SEMA5A: variants seen among roughly 807,000 people sequenced by gnomAD.
SEMA5A encodes semaphorin 5A.
A neutral mutation model predicts 135.5 loss-of-function variants in SEMA5A; 55 were observed. The ratio of observed to expected loss-of-function variants is 0.41; its 90% confidence interval spans 0.33 to 0.51. The LOEUF (loss-of-function observed/expected upper bound fraction) is 0.51, where lower values mean the gene tolerates loss of function less well. Ranked by LOEUF, SEMA5A falls within the 20% of genes least tolerant of loss-of-function variation. The probability of loss-of-function intolerance (pLI) is 0.37; values close to 1 mark genes in which losing one functional copy is unlikely to be tolerated. For missense variants in SEMA5A, 1,290 were observed against 1,419.9 expected (o/e 0.91, Z 1.47); for synonymous variants, 580 against 546.5 (o/e 1.06, Z -0.85).
intron 11 of SEMA5A, among the ~76,000 whole-genome samples, chr5:9,157,479 C>T (rs1806137): frequency 0.012 from 1,809 of 152,236 alleles, 39 homozygotes; most frequent in African/African-American, 0.042. Context: ...CACCATAATC[C>T]CAGGGCCGAT....
At chr5:9,386,745 GT>G (rs1755910170) in intron 2 of SEMA5A, among the ~76,000 whole-genome samples, 1 of 152,236 alleles carries the variant, frequency 6.6e-6, no homozygotes, top group Non-Finnish European at 1.5e-5. Context: ...TCTTGATTAA[GT>G]TTTGCTTCTC....
intron 13 of SEMA5A, among the ~76,000 whole-genome samples, chr5:9,133,045 G>T (rs777352960): frequency 1.7e-4 from 26 of 151,978 alleles, no homozygotes; most frequent in Non-Finnish European, 2.5e-4. Context: ...AGTGTTTTTT[G>T]TTGTTGTTGT....
At chr5:9,203,677 G>A (rs2150371496) in intron 8 of SEMA5A, among the ~76,000 whole-genome samples, 1 of 152,214 alleles carries the variant, frequency 6.6e-6, no homozygotes, top group African/African-American at 2.4e-5. Context: ...TACTCTAAAT[G>A]GTTTATGTAT....
chr5:9,197,208 G>T lies in SEMA5A; in HGVS notation c.1028C>A (p.Ser343Ter). Residue 343 changes from serine to a stop codon, truncating the protein, a stop_gained, in exon 10 of 23, where the codon TCG becomes TAG. Transcript: ENST00000382496. LOFTEE classifies it high-confidence loss of function. ...GPFKYQENSR[S>*]AWLPYPNPNP... ...TGGGTTGGGATACGGTAGCCAGGCCGAGCGCGAGTTTTCTTGGTACTTGAA... is the reference window on the plus strand; with the variant it reads ...TGGGTTGGGATACGGTAGCCAGGCCTAGCGCGAGTTTTCTTGGTACTTGAA... 6.2e-7 allele frequency: 1 copy of T among 1,614,224 alleles called. No homozygotes were observed.
At chr5:9,366,433 G>T (rs991342827) in intron 3 of SEMA5A, among the ~76,000 whole-genome samples, 1 of 151,322 alleles carries the variant, frequency 6.6e-6, no homozygotes, top group African/African-American at 2.4e-5. Flanking sequence ...CTGTCGCCCA[G>T]GCTGAAGTGC....
chr5:9,352,493 A>G lies in SEMA5A; in HGVS notation c.125-14681T>C, dbSNP rs1035944813. Among the ~76,000 whole-genome samples, 4 of 152,250 alleles carry G rather than the reference A, an allele frequency of 2.6e-5. No individual in the cohort carries two copies. The South Asian group carries it at 8.3e-4, about 32-fold the overall frequency. On this transcript the variant is annotated intron_variant, in intron 3 of 22. Coordinates refer to ENST00000382496, the MANE Select transcript of SEMA5A (RefSeq NM_003966.3). ...TTGAATTCCCAGGCTCAAGAGATCC[A>G]CTGGCCTCTGCCTCCCAAAGTGCTG...
chr5:9,091,205 G>C (rs563894276), intron 16 of SEMA5A, among the ~76,000 whole-genome samples: 2 of 152,328 alleles, frequency 1.3e-5, no homozygotes, highest in South Asian at 4.1e-4. Context: ...AGTCTACTTA[G>C]AAAAACTTAC....
chr5:9,337,614 C>T (rs1367284377), intron 4 of SEMA5A, 99 bp downstream of exon 4: 2 of 708,426 alleles, frequency 2.8e-6, no homozygotes, highest in South Asian at 1.8e-5. Context: ...TAATATTATT[C>T]AGCATTCTTC....
intron 5 of SEMA5A, among the ~76,000 whole-genome samples, chr5:9,285,010 T>A (rs1297851824): frequency 6.6e-6 from 1 of 152,032 alleles, no homozygotes; most frequent in East Asian, 1.9e-4. Flanking sequence ...AATTCTCACA[T>A]CCTCCTATTC....
chr5:9,482,823 C>A (rs948646355), intron 1 of SEMA5A, among the ~76,000 whole-genome samples: 2 of 152,134 alleles, frequency 1.3e-5, no homozygotes, highest in African/African-American at 2.4e-5. Flanking sequence ...TTTTGACAGG[C>A]GATTTGTGTG....
intron 2 of SEMA5A, among the ~76,000 whole-genome samples, chr5:9,391,259 C>G (rs1256130053): frequency 1.3e-5 from 2 of 152,178 alleles, no homozygotes; most frequent in Non-Finnish European, 2.9e-5. Context: ...GGATTTAATC[C>G]AGCAAATGAC....
chr5:9,175,063 G>C (rs967585665), intron 11 of SEMA5A, among the ~76,000 whole-genome samples: 6 of 152,140 alleles, frequency 3.9e-5, no homozygotes, highest in Non-Finnish European at 7.4e-5. Context: ...GAATGACTGT[G>C]GTGGGCCAGG....
At chr5:9,369,282 C>T (rs573804121) in intron 3 of SEMA5A, among the ~76,000 whole-genome samples, 40 of 152,012 alleles carry the variant, frequency 2.6e-4, no homozygotes, top group African/African-American at 8.4e-4. Context: ...GCAAATATTC[C>T]CACACAGTGT....
intron 5 of SEMA5A, among the ~76,000 whole-genome samples, chr5:9,287,506 TA>T (rs1200470954): frequency 6.6e-6 from 1 of 152,228 alleles, no homozygotes; most frequent in Non-Finnish European, 1.5e-5. Context: ...AAAAATATTT[TA>T]ATCTTATCCA....
intron 18 of SEMA5A, among the ~76,000 whole-genome samples, chr5:9,055,420 A>G (rs1736835796): frequency 6.6e-6 from 1 of 152,202 alleles, no homozygotes; most frequent in Admixed American, 6.5e-5. Context: ...ATATTTTAAC[A>G]TTCTTTGTAG....
chr5:9,159,297 A>T (rs1444820485), intron 11 of SEMA5A, among the ~76,000 whole-genome samples: 1 of 152,244 alleles, frequency 6.6e-6, no homozygotes, highest in Admixed American at 6.5e-5. Context: ...AACATTAATT[A>T]TAAGGCTATT....
chr5:9,146,438 T>G (rs1387330908), intron 12 of SEMA5A, among the ~76,000 whole-genome samples: 1 of 152,194 alleles, frequency 6.6e-6, no homozygotes, highest in Non-Finnish European at 1.5e-5. Flanking sequence ...GAACAATCGT[T>G]GAAAGGATGT....
chr5:9,140,376 G>C (rs1007051876), intron 12 of SEMA5A, among the ~76,000 whole-genome samples: 5 of 152,224 alleles, frequency 3.3e-5, no homozygotes, highest in African/African-American at 1.2e-4. Flanking sequence ...CTAAGACCAT[G>C]AAAAGTGTGC....
chr5:9,457,081 T>G (rs1758866041), intron 1 of SEMA5A, among the ~76,000 whole-genome samples: 1 of 152,346 alleles, frequency 6.6e-6, no homozygotes, highest in Middle Eastern at 3.4e-3. Flanking sequence ...AATATGTATC[T>G]ATTTCAGAGC....
Sources: allele counts gnomAD v4.1 joint callset (sites outside exome capture counted in the v4.1 genomes callset), GRCh38; gene constraint gnomAD v4.1.1; transcripts MANE v1.5; gene names NCBI Gene and HGNC (gene_info 2026-07-23, HGNC 2026-07-21).